Variants in SMAD2 observed in about 807,000 individuals in gnomAD.
SMAD2 encodes the protein SMAD family member 2.
SMAD2 carries 8 observed loss-of-function variants against 64.4 expected under a neutral mutation model. That is an observed-to-expected ratio of 0.12 (90% CI 0.07 to 0.22). The LOEUF (loss-of-function observed/expected upper bound fraction) is 0.22, where lower values mean the gene tolerates loss of function less well. SMAD2 is among the 10% of genes least tolerant of loss of function. The pLI is 1.00. For missense variants in SMAD2, 289 were observed against 561.2 expected (o/e 0.51, Z 4.90); for synonymous variants, 203 against 195.8 (o/e 1.04, Z -0.31).
chr18:47,850,736 AAT>A (rs1433992354), intron 7 of SMAD2, among the ~76,000 whole-genome samples: 4 of 26,054 alleles, frequency 1.5e-4, no homozygotes, highest in South Asian at 1.8e-3. Flanking sequence ...TATTATGTAT[AAT>A]ATATATTATA....
At chr18:47,876,798 A>C (rs1441850762) in intron 2 of SMAD2, among the ~76,000 whole-genome samples, 1 of 152,108 alleles carries the variant, frequency 6.6e-6, no homozygotes, top group East Asian at 1.9e-4. Flanking sequence ...ACAATTTACA[A>C]AGTATACACT....
At chr18:47,883,907 C>T (rs139239154) in intron 2 of SMAD2, among the ~76,000 whole-genome samples, 44 of 152,302 alleles carry the variant, frequency 2.9e-4, no homozygotes, top group Non-Finnish European at 5.0e-4. Context: ...CCCACCATTT[C>T]CTCTTCCCCT....
rs2144276975 is a variant in SMAD2 at position 47,841,930 on chromosome 18, G to C, written c.1301C>G (p.Thr434Ser). The C allele has an allele frequency of 6.2e-7, 1 of 1,614,068 alleles. No individual in the cohort carries two copies. Among genetic ancestry groups the C allele is most frequent in the Non-Finnish European group, 8.5e-7 (1 of 1,179,944 alleles). ...AEYRRQTVTS[T>S]PCWIELHLNG... ...CAGATGAAGTTCAATCCAGCAAGGA[G>C]TACTTGTTACCGTCTGCCTTCTGTT... is the stretch of plus-strand genomic sequence containing the variant. Residue 434 changes from threonine to serine, a missense_variant, in exon 11 of 11, where the codon ACT (threonine) becomes AGT (serine). Around this residue, in one of 6 missense-constraint regions of SMAD2, gnomAD observed 20 missense variants for 82.8 expected, o/e 0.24. Coordinates refer to ENST00000262160, the MANE Select transcript of SMAD2 (RefSeq NM_005901.6).
At chr18:47,928,659 A>T (rs1212389005) in intron 1 of SMAD2, among the ~76,000 whole-genome samples, 2 of 152,262 alleles carry the variant, frequency 1.3e-5, no homozygotes, top group Non-Finnish European at 2.9e-5. Flanking sequence ...GTGTAGAGAC[A>T]TGACCACTTA....
In SMAD2 at chr18:47,841,527, T is replaced by TA. The variant is rs1913952921; in HGVS notation, c.*299dup. 1 of 465,926 alleles carries TA rather than the reference T, an allele frequency of 2.1e-6. No individual in the cohort carries two copies. Among genetic ancestry groups the TA allele is most frequent in the African/African-American group, 1.9e-5 (1 of 51,662 alleles). The allele number at this position is 465,926 out of a possible 1,614,324, so 28.9% of individuals were successfully genotyped here. On this transcript the variant is annotated 3_prime_UTR_variant, in exon 11 of 11. Transcript: ENST00000262160. ...GATCATGATACATTACCTGTACACA[T>TA]AACTACTACTGTTATTAATAAACCT... is the stretch of plus-strand genomic sequence containing the variant.
In SMAD2 at chr18:47,819,649, G is replaced by A. The variant is rs1008799953; in HGVS notation, c.*22178C>T. On this transcript the variant is annotated 3_prime_UTR_variant, in exon 11 of 11. Coordinates refer to ENST00000262160, the MANE Select transcript of SMAD2 (RefSeq NM_005901.6). ...GTCTCTACTAAAAATACAAAAAATT[G>A]GCTGGGCGCGGTGGCGGGCGCCTGT... is the stretch of plus-strand genomic sequence containing the variant. The A allele has an allele frequency of 1.3e-5, 2 of 152,064 alleles. No individual in the cohort carries two copies. Among genetic ancestry groups the A allele is most frequent in the African/African-American group, 2.4e-5 (1 of 41,406 alleles). 9.4% of individuals were successfully genotyped at this position (152,064 alleles called of 1,614,324 possible).
At chr18:47,868,154 GTACTAGGCTTA>G in intron 5 of SMAD2, 158 bp downstream of exon 5, 1 of 640,942 alleles carries the variant, frequency 1.6e-6, no homozygotes. Context: ...ACTGTTTAAT[GTACTAGGCTTA>G]TACATTTCAC....
chr18:47,916,385 T>C (rs903409650), intron 1 of SMAD2, among the ~76,000 whole-genome samples: 5 of 147,266 alleles, frequency 3.4e-5, no homozygotes, highest in South Asian at 2.3e-4. Flanking sequence ...AAATTTTACA[T>C]TGGTACAGGT....
chr18:47,870,077 T>C (rs531894176), intron 3 of SMAD2, among the ~76,000 whole-genome samples: 1 of 131,436 alleles, frequency 7.6e-6, no homozygotes, highest in Non-Finnish European at 1.6e-5. Flanking sequence ...AATTGTGATA[T>C]AAGGGGTTCA....
At chr18:47,846,132 A>C (rs536948551) in intron 8 of SMAD2, among the ~76,000 whole-genome samples, 17 of 152,302 alleles carry the variant, frequency 1.1e-4, no homozygotes, top group Admixed American at 1.0e-3. Context: ...GAATTCACTA[A>C]TGTTTGGAGA....
At chr18:47,868,135 C>T in intron 5 of SMAD2, 188 bp downstream of exon 5, 1 of 584,924 alleles carries the variant, frequency 1.7e-6, no homozygotes. Context: ...AAACTCTTCT[C>T]CAAACAAAAC....
Position 47,817,582 on chromosome 18 carries a change from T to C in SMAD2, c.*24245A>G, listed in dbSNP as rs1912415164. ...TCCCAAAGTGCTGGGATTACAGGCA[T>C]GGGCCACTGCGCCTGGCTGAGTACT... On this transcript the variant is annotated 3_prime_UTR_variant, in exon 11 of 11. Coordinates refer to ENST00000262160, the MANE Select transcript of SMAD2 (RefSeq NM_005901.6). The C allele has an allele frequency of 6.5e-6, 1 of 152,764 alleles. No homozygotes were observed. Among genetic ancestry groups the C allele is most frequent in the Non-Finnish European group, 1.5e-5 (1 of 68,512 alleles). The allele number at this position is 152,764 out of a possible 1,614,324, so 9.5% of individuals were successfully genotyped here. A position where few individuals can be genotyped will look rare whatever the true frequency, so the allele number is the denominator to read the frequency against.
chr18:47,898,842 T>C (rs2033557336), intron 1 of SMAD2, among the ~76,000 whole-genome samples: 1 of 152,094 alleles, frequency 6.6e-6, no homozygotes, highest in Non-Finnish European at 1.5e-5. Context: ...ATATTTGCAC[T>C]TCCTTGGCAG....
rs953727639 is a variant in SMAD2 at position 47,815,005 on chromosome 18, C to T, written c.*26822G>A. The T allele has an allele frequency of 6.6e-6, 1 of 152,438 alleles. No homozygotes were observed. The highest frequency in any genetic ancestry group is 1.5e-5 in the Non-Finnish European group (1 of 68,286). 9.4% of individuals were successfully genotyped at this position (152,438 alleles called of 1,614,324 possible). The stretch of plus-strand genomic sequence containing the variant: ...CATTACCCAGTAGACTCAGTGACAT[C>T]CAGCAAAGATGGCAGGATGAGCACC... On this transcript the variant is annotated 3_prime_UTR_variant, in exon 11 of 11. Transcript: ENST00000262160.
In SMAD2 at chr18:47,822,923, C is replaced by CA. The variant is rs1454091879; in HGVS notation, c.*18903dup. On this transcript the variant is annotated 3_prime_UTR_variant, in exon 11 of 11. Transcript: ENST00000262160. The stretch of plus-strand genomic sequence containing the variant: ...CAGGCTGGTTTCAAACTCCTGACCT[C>CA]AGGTGTTCCACCTGTCTTGGCCTCC... 6.6e-6 allele frequency: 1 copy of CA among 152,230 alleles called. No individual in the cohort carries two copies. Among genetic ancestry groups the CA allele is most frequent in the Non-Finnish European group, 1.5e-5 (1 of 68,082 alleles). The allele number at this position is 152,230 out of a possible 1,614,324, so 9.4% of individuals were successfully genotyped here. A position where few individuals can be genotyped will look rare whatever the true frequency, so the allele number is the denominator to read the frequency against.
Position 47,848,605 on chromosome 18 carries a change from G to C in SMAD2, c.867C>G (p.Thr289=), listed in dbSNP as rs755950187. ...TGAGTGAGGGCTGTGATGCATGGAA[G>C]GTTTCTCCAACCCTCTGATTTAATT... is the stretch of plus-strand genomic sequence containing the variant. ...YYELNQRVGE[T]FHASQPSLTV... Residue 289 remains threonine, a synonymous_variant, in exon 8 of 11, where the codon ACC becomes ACG. Coordinates refer to ENST00000262160, the MANE Select transcript of SMAD2 (RefSeq NM_005901.6). 3.7e-6 allele frequency: 6 copies of C among 1,613,788 alleles called. No individual in the cohort carries two copies. Among genetic ancestry groups the C allele is most frequent in the Non-Finnish European group, 5.1e-6 (6 of 1,179,826 alleles).
intron 2 of SMAD2, among the ~76,000 whole-genome samples, chr18:47,893,718 C>T (rs760233717): frequency 7.2e-5 from 11 of 152,106 alleles, no homozygotes; most frequent in Non-Finnish European, 1.0e-4. Flanking sequence ...TGACTAATAA[C>T]CTGACACAAT....
At chr18:47,904,765 C>T (rs1223350737) in intron 1 of SMAD2, among the ~76,000 whole-genome samples, 3 of 152,176 alleles carry the variant, frequency 2.0e-5, no homozygotes, top group Admixed American at 6.5e-5. Flanking sequence ...AAGGAGAAAA[C>T]GCACCTATGA....
In SMAD2 at chr18:47,879,750, T is replaced by TAA. The variant is rs2032479604; in HGVS notation, c.237-9188_237-9187dup. Among the ~76,000 whole-genome samples the TAA allele has an allele frequency of 3.3e-5, 5 of 152,306 alleles. No homozygotes were observed. The South Asian group carries it at 1.0e-3, about 32-fold the overall frequency. On this transcript the variant is annotated intron_variant, in intron 2 of 10. Transcript: ENST00000262160. ...GATAGATGCATGTTTAGCTTTTCAA[T>TAA]AAATTGCCAGATCATTTTCCAGAGT...
Sources: allele counts gnomAD v4.1 joint callset (sites outside exome capture counted in the v4.1 genomes callset), GRCh38; gene constraint gnomAD v4.1.1; regional missense constraint gnomAD v4.1.1; transcripts MANE v1.5; gene names NCBI Gene and HGNC (gene_info 2026-07-23, HGNC 2026-07-21).